The following TBC1D5 variants were observed in gnomAD, a reference collection of about 807,000 sequenced individuals.
TBC1D5 encodes the protein TBC1 domain family, member 5.
Under a neutral mutation model 100.3 loss-of-function variants are expected in TBC1D5, and 75 were observed. The observed-to-expected ratio is 0.75, with a 90% CI of 0.62 to 0.91. The LOEUF is 0.91. Ranked by LOEUF, TBC1D5 falls within the 40% of genes least tolerant of loss-of-function variation. TBC1D5 has a pLI of 0.00. For synonymous variants in TBC1D5, 323 were observed against 325.6 expected, an observed-to-expected ratio of 0.99 and a Z score of 0.09; for missense variants, 910 against 942.4, an observed-to-expected ratio of 0.97 and a Z score of 0.45.
intron 1 of TBC1D5, among the ~76,000 whole-genome samples, chr3:17,632,997 C>T (rs1577128103): frequency 6.6e-6 from 1 of 152,080 alleles, no homozygotes; most frequent in African/African-American, 2.4e-5. Context: ...CAAGTATTAA[C>T]ATAATTAATT....
chr3:17,625,942 C>T (rs1490988884), intron 1 of TBC1D5, among the ~76,000 whole-genome samples: 4 of 152,028 alleles, frequency 2.6e-5, no homozygotes, highest in African/African-American at 9.7e-5. Flanking sequence ...CATGAGTTTA[C>T]GTATCACATA....
At chr3:17,535,714 G>A (rs969289876) in intron 2 of TBC1D5, among the ~76,000 whole-genome samples, 5 of 152,018 alleles carry the variant, frequency 3.3e-5, no homozygotes, top group East Asian at 1.9e-4. Context: ...AAAAAGTTGC[G>A]GGATGGGGAG....
chr3:17,577,248 G>T (rs1399673615), intron 2 of TBC1D5, among the ~76,000 whole-genome samples: 1 of 151,920 alleles, frequency 6.6e-6, no homozygotes, highest in Non-Finnish European at 1.5e-5. Flanking sequence ...TCTGCAAAAA[G>T]CGATTCCAAC....
intron 1 of TBC1D5, among the ~76,000 whole-genome samples, chr3:17,705,313 T>C (rs1577655383): frequency 4.9e-5 from 4 of 82,202 alleles, no homozygotes; most frequent in African/African-American, 8.8e-5. Flanking sequence ...CCCACCTCCC[T>C]CCCGGATGGG....
rs188813033 is a variant in TBC1D5 at position 17,337,821 on chromosome 3, A to G, written c.996-29687T>C. On this transcript the variant is annotated intron_variant, in intron 13 of 21. Coordinates refer to ENST00000253692, the Ensembl canonical transcript of TBC1D5. ...AACGAGTACCAAAATGGATAGTTTG[A>G]TTTTTTCCCACTGTCTGGCCTCTAC... Among the ~76,000 whole-genome samples, 69 of 152,260 alleles carry G rather than the reference A, an allele frequency of 4.5e-4. 2 individuals are homozygous for G. The highest frequency in any genetic ancestry group is 4.3e-3 in the Admixed American group (66 of 15,288).
intron 1 of TBC1D5, among the ~76,000 whole-genome samples, chr3:17,669,200 G>A (rs993618731): frequency 1.4e-4 from 21 of 151,896 alleles, no homozygotes; most frequent in African/African-American, 3.9e-4. Flanking sequence ...TCTCCTTCCC[G>A]CCACCATGTG....
chr3:17,264,783 T>C (rs2078679716), intron 15 of TBC1D5, among the ~76,000 whole-genome samples: 1 of 152,168 alleles, frequency 6.6e-6, no homozygotes, highest in South Asian at 2.1e-4. Flanking sequence ...GAGAACTAAG[T>C]TCCCAGCACA....
chr3:17,564,966 A>C (rs1341303028), intron 2 of TBC1D5, among the ~76,000 whole-genome samples: 3 of 151,962 alleles, frequency 2.0e-5, no homozygotes, highest in Non-Finnish European at 4.4e-5. Flanking sequence ...GAAAAAAATG[A>C]AAGTTGAGAA....
chr3:17,177,558 G>A (rs572196094), intron 19 of TBC1D5, among the ~76,000 whole-genome samples: 1 of 152,230 alleles, frequency 6.6e-6, no homozygotes, highest in South Asian at 2.1e-4. Flanking sequence ...ATGTTAACAT[G>A]TTTATGAATA....
chr3:17,254,952 G>A (rs951696690), intron 16 of TBC1D5, among the ~76,000 whole-genome samples: 2 of 152,150 alleles, frequency 1.3e-5, no homozygotes, highest in African/African-American at 4.8e-5. Context: ...AGAATCAACA[G>A]TTCTGTTTGA....
At chr3:17,603,881 G>A (rs1276694070) in intron 2 of TBC1D5, among the ~76,000 whole-genome samples, 1 of 152,050 alleles carries the variant, frequency 6.6e-6, no homozygotes. Context: ...CTGACCTTAA[G>A]CAATCCACCC....
At chr3:17,605,398 T>C (rs1396942421) in intron 2 of TBC1D5, among the ~76,000 whole-genome samples, 1 of 152,224 alleles carries the variant, frequency 6.6e-6, no homozygotes, top group Non-Finnish European at 1.5e-5. Flanking sequence ...AACTCAGTCA[T>C]AAGTAATGTG....
At chr3:17,561,065 A>G (rs2096555838) in intron 2 of TBC1D5, among the ~76,000 whole-genome samples, 1 of 152,224 alleles carries the variant, frequency 6.6e-6, no homozygotes, top group Non-Finnish European at 1.5e-5. Flanking sequence ...TTTTGGAGGG[A>G]AAAAGAGGGC....
chr3:17,565,645 T>C (rs1243550489), intron 2 of TBC1D5, among the ~76,000 whole-genome samples: 4 of 152,086 alleles, frequency 2.6e-5, no homozygotes, highest in African/African-American at 9.6e-5. Context: ...CCAATGTATA[T>C]GATATTTCGC....
At chr3:17,225,538 C>T (rs988817934) in intron 17 of TBC1D5, among the ~76,000 whole-genome samples, 1 of 151,390 alleles carries the variant, frequency 6.6e-6, no homozygotes, top group East Asian at 1.9e-4. Flanking sequence ...GCAGTGTCTC[C>T]CACCTGTAAT....
chr3:17,227,019 G>A (rs1202058859), intron 17 of TBC1D5, among the ~76,000 whole-genome samples: 1 of 152,148 alleles, frequency 6.6e-6, no homozygotes, highest in Non-Finnish European at 1.5e-5. Flanking sequence ...GGGGAGGGAA[G>A]TATGAACATA....
At chr3:17,610,860 T>C (rs2061623799) in intron 2 of TBC1D5, among the ~76,000 whole-genome samples, 1 of 152,000 alleles carries the variant, frequency 6.6e-6, no homozygotes, top group East Asian at 1.9e-4. Context: ...CTACTAAAAA[T>C]ACAAAAATTA....
intron 13 of TBC1D5, 138 bp from the exon 14 acceptor site, chr3:17,308,272 A>G: frequency 2.4e-6 from 2 of 824,414 alleles, no homozygotes; most frequent in Non-Finnish European, 3.4e-6. Flanking sequence ...ATATAGTAAA[A>G]TCTATATTTT....
At chr3:17,473,913 T>TA (rs1341608726) in intron 3 of TBC1D5, among the ~76,000 whole-genome samples, 1 of 152,140 alleles carries the variant, frequency 6.6e-6, no homozygotes, top group Non-Finnish European at 1.5e-5. Flanking sequence ...TTTACTTGTT[T>TA]AGTTTTGCTT....
Sources: allele counts gnomAD v4.1 joint callset (sites outside exome capture counted in the v4.1 genomes callset), GRCh38; gene constraint gnomAD v4.1.1; transcripts MANE v1.5; gene names NCBI Gene and HGNC (gene_info 2026-07-23, HGNC 2026-07-21).